Variants in CTNND2 observed in about 807,000 individuals in gnomAD.
The protein encoded by CTNND2 is catenin delta-2.
Under a neutral mutation model 144.4 loss-of-function variants are expected in CTNND2, and 22 were observed. That is an observed-to-expected ratio of 0.15 (90% CI 0.11 to 0.22). The LOEUF is 0.22. Among genes scored for constraint, CTNND2 ranks in the 10% least tolerant of loss-of-function variants. The probability of loss-of-function intolerance (pLI) is 1.00; values close to 1 mark genes in which losing one functional copy is unlikely to be tolerated. For missense variants in CTNND2, 1,353 were observed against 1,618.8 expected (o/e 0.84, Z 2.82); for synonymous variants, 751 against 695.6 (o/e 1.08, Z -1.25).
At chr5:11,276,141 A>G (rs945357360) in intron 9 of CTNND2, among the ~76,000 whole-genome samples, 2 of 152,232 alleles carry the variant, frequency 1.3e-5, no homozygotes, top group Non-Finnish European at 2.9e-5. Flanking sequence ...AGGACGTGAC[A>G]TTCGAGAAAA....
chr5:11,228,671 A>G (rs144032980), intron 10 of CTNND2, among the ~76,000 whole-genome samples: 2,039 of 152,062 alleles, frequency 0.013, 50 homozygotes, highest in African/African-American at 0.047. Flanking sequence ...TTTTTTGTAG[A>G]GACAGGGTCT....
intron 9 of CTNND2, among the ~76,000 whole-genome samples, chr5:11,332,446 TG>T (rs1376949093): frequency 2.0e-5 from 3 of 152,236 alleles, no homozygotes; most frequent in African/African-American, 7.2e-5. Flanking sequence ...CTGGCCAGCC[TG>T]TAGTTGTCTC....
chr5:11,115,207 C>A (rs1472869615), intron 13 of CTNND2, among the ~76,000 whole-genome samples: 3 of 152,186 alleles, frequency 2.0e-5, no homozygotes, highest in Non-Finnish European at 4.4e-5. Context: ...AGATGATCTA[C>A]CAAGTCTCCC....
chr5:11,512,097 C>T (rs1242317734), intron 3 of CTNND2, among the ~76,000 whole-genome samples: 1 of 152,182 alleles, frequency 6.6e-6, no homozygotes. Context: ...ATTCCCCAAC[C>T]AATATAGCTT....
At chr5:11,159,409 C>A (rs61753303) in intron 12 of CTNND2, among the ~76,000 whole-genome samples, 167 bp downstream of exon 12, 18 of 152,222 alleles carry the variant, frequency 1.2e-4, no homozygotes, top group African/African-American at 3.4e-4. Flanking sequence ...GTCTTTATTA[C>A]CTGGTTAGAA....
chr5:11,621,777 TA>T (rs1780857991), intron 2 of CTNND2, among the ~76,000 whole-genome samples: 1 of 152,178 alleles, frequency 6.6e-6, no homozygotes, highest in East Asian at 1.9e-4. Context: ...TTATCTTTGT[TA>T]TATGTTTCCC....
In CTNND2 at chr5:11,545,137, G is replaced by GAA. The variant is rs1282540729; in HGVS notation, c.287+19805_287+19806dup. Among the ~76,000 whole-genome samples, 189 of 108,482 alleles carry GAA rather than the reference G, an allele frequency of 1.7e-3. 1 individual carries two copies. The highest frequency in any genetic ancestry group is 6.3e-3 in the African/African-American group (185 of 29,546). 71.2% of individuals were successfully genotyped at this position (108,482 alleles called of 152,430 possible). On this transcript the variant is annotated intron_variant, in intron 3 of 21. Transcript: ENST00000304623. ...CTCCGTCTCAAAAAAAAAAAAAAAG[G>GAA]AAAAAAAAAAAAAAGAAAGCAAAAA...
At chr5:11,411,854 A>G (rs1010615713) in intron 4 of CTNND2, among the ~76,000 whole-genome samples, 181 bp downstream of exon 4, 2 of 152,232 alleles carry the variant, frequency 1.3e-5, no homozygotes, top group Admixed American at 6.5e-5. Context: ...GAGCATAGTT[A>G]CTACAGAATT....
intron 1 of CTNND2, among the ~76,000 whole-genome samples, chr5:11,870,122 A>G (rs1393597247): frequency 6.6e-6 from 1 of 152,188 alleles, no homozygotes; most frequent in Non-Finnish European, 1.5e-5. Flanking sequence ...AAGGGAGAAT[A>G]TAGCACTGCG....
chr5:11,836,902 C>T (rs949289270), intron 1 of CTNND2, among the ~76,000 whole-genome samples: 2 of 152,156 alleles, frequency 1.3e-5, no homozygotes, highest in African/African-American at 4.8e-5. Flanking sequence ...AAATATCCAT[C>T]GCCACCAGTG....
intron 10 of CTNND2, among the ~76,000 whole-genome samples, chr5:11,229,635 AG>A (rs1378196676): frequency 1.3e-5 from 2 of 150,842 alleles, no homozygotes; most frequent in Admixed American, 1.3e-4. Flanking sequence ...CCTTGAATGC[AG>A]CCATATTGCG....
chr5:11,172,306 GA>G lies in CTNND2; in HGVS notation c.1976-12548del, dbSNP rs575056094. On this transcript the variant is annotated intron_variant, in intron 11 of 21. Transcript: ENST00000304623. The stretch of plus-strand genomic sequence containing the variant: ...ACATCAGCTTCCTCCTGAGAAACAG[GA>G]AAAAAAACTCTAAGTTATGACTATG... Among the ~76,000 whole-genome samples, 267 of 151,860 alleles carry G rather than the reference GA, an allele frequency of 1.8e-3. 1 individual carries two copies. The highest frequency in any genetic ancestry group is 6.0e-3 in the African/African-American group (250 of 41,438).
rs767036575 is a variant in CTNND2 at position 11,117,459 on chromosome 5, G to A, written c.2268C>T (p.Ile756=). 15 of 1,613,028 alleles carry A rather than the reference G, an allele frequency of 9.3e-6. No homozygotes were observed. Among genetic ancestry groups the A allele is most frequent in the East Asian group, 2.2e-5 (1 of 44,866 alleles). ...VIQSALGSSE[I]DSKTVENCVC... ...TGCCAGCACAACCAACCTTGCTATCGATCTCACTGCTCCCCAGCGCAGACT... is the reference window on the plus strand; with the variant it reads ...TGCCAGCACAACCAACCTTGCTATCAATCTCACTGCTCCCCAGCGCAGACT... Residue 756 remains isoleucine (I), a synonymous_variant, in exon 13 of 22, where the codon ATC becomes ATT. Coordinates refer to ENST00000304623, the MANE Select transcript of CTNND2 (RefSeq NM_001332.4).
Position 11,176,846 on chromosome 5 carries a change from T to C in CTNND2, c.1976-17087A>G, listed in dbSNP as rs181282208. On this transcript the variant is annotated intron_variant, in intron 11 of 21. Coordinates refer to ENST00000304623, the MANE Select transcript of CTNND2 (RefSeq NM_001332.4). ...TATCATGTCATTGCTCTCAGATTAA[T>C]GTTCCTACCCTGCAGGAGGGATTCA... Among the ~76,000 whole-genome samples the C allele has an allele frequency of 1.2e-4, 19 of 152,292 alleles. No individual in the cohort carries two copies. The East Asian group carries it at 3.3e-3, about 26-fold the overall frequency.
At chr5:11,779,785 T>C (rs1351661713) in intron 1 of CTNND2, among the ~76,000 whole-genome samples, 3 of 152,206 alleles carry the variant, frequency 2.0e-5, no homozygotes, top group African/African-American at 7.2e-5. Flanking sequence ...TAGTTCAGTT[T>C]AATGTATTAA....
intron 2 of CTNND2, among the ~76,000 whole-genome samples, chr5:11,708,223 T>C (rs1785825040): frequency 6.7e-6 from 1 of 149,806 alleles, no homozygotes; most frequent in South Asian, 2.1e-4. Flanking sequence ...TAAAGATGAT[T>C]TTTTAAACTT....
intron 1 of CTNND2, among the ~76,000 whole-genome samples, chr5:11,742,224 T>C (rs1788058429): frequency 6.6e-6 from 1 of 152,190 alleles, no homozygotes; most frequent in Non-Finnish European, 1.5e-5. Flanking sequence ...TGATGACTTC[T>C]AAACATTGCT....
At chr5:11,665,149 T>C (rs1241403395) in intron 2 of CTNND2, among the ~76,000 whole-genome samples, 3 of 152,178 alleles carry the variant, frequency 2.0e-5, no homozygotes, top group Non-Finnish European at 4.4e-5. Flanking sequence ...GGGTTAATAT[T>C]TGCTATTGGT....
chr5:11,161,491 T>C (rs371000572), intron 11 of CTNND2, among the ~76,000 whole-genome samples: 4 of 152,204 alleles, frequency 2.6e-5, no homozygotes, highest in African/African-American at 9.6e-5. Context: ...AACACAAAGC[T>C]GCTTATTCAT....
Sources: gnomAD v4.1 joint callset for allele counts (sites outside exome capture counted in the v4.1 genomes callset) on GRCh38, gnomAD v4.1.1 for gene constraint, MANE v1.5 for transcripts, NCBI Gene and HGNC (gene_info 2026-07-23, HGNC 2026-07-21) for gene names.